Variants in SAMD5 observed in about 807,000 individuals in gnomAD.
SAMD5 encodes sterile alpha motif domain containing 5.
SAMD5 carries 13 observed loss-of-function variants against 11.3 expected under a neutral mutation model. The observed-to-expected ratio is 1.15, with a 90% CI of 0.75 to 1.83. SAMD5 has a LOEUF of 1.83. Among genes scored for constraint, SAMD5 ranks in the 40% most tolerant of loss-of-function variants. The pLI is 0.00. For missense variants in SAMD5, 255 were observed against 239.1 expected, an observed-to-expected ratio of 1.07 and a Z score of -0.44; for synonymous variants, 129 against 111.3, an observed-to-expected ratio of 1.16 and a Z score of -1.00.
rs368223383 is a variant in SAMD5, at chr6:147,659,306, G to GT, written c.163-78002dup. Among the ~76,000 whole-genome samples the GT allele has an allele frequency of 1.7e-4, 25 of 149,408 alleles. 1 individual carries two copies. Among genetic ancestry groups the GT allele is most frequent in the Middle Eastern group, 3.5e-3 (1 of 282 alleles). On this transcript the variant is annotated intron_variant, in intron 1 of 1. Coordinates refer to the SAMD5 transcript ENST00000566741. The stretch of plus-strand genomic sequence containing the variant: ...TTATTGAATGTGGCAGGGAAATTTT[G>GT]TTTTTTTTTCATGTCCCTGGTTCTG...
At chr6:147,752,990 A>G in the SAMD5 span, among the ~76,000 whole-genome samples, 1 of 152,236 alleles carries the variant, frequency 6.6e-6, no homozygotes, top group African/African-American at 2.4e-5. Flanking sequence ...TTTTTGCCTT[A>G]TTGCCCTAGA....
chr6:147,665,896 AT>A (rs1321775873), intron 1 of SAMD5, among the ~76,000 whole-genome samples: 1 of 151,934 alleles, frequency 6.6e-6, no homozygotes, highest in Non-Finnish European at 1.5e-5. Flanking sequence ...TGAAAAAGTT[AT>A]TTTTTTCCCC....
chr6:147,649,430 T>C (rs191518631), intron 1 of SAMD5, among the ~76,000 whole-genome samples: 8 of 152,308 alleles, frequency 5.3e-5, no homozygotes, highest in Admixed American at 1.3e-4. Context: ...TGTGACTTTT[T>C]CAAAATAGCT....
chr6:147,595,043 G>A (rs1034976178), intron 1 of SAMD5, among the ~76,000 whole-genome samples: 3 of 152,240 alleles, frequency 2.0e-5, no homozygotes, highest in South Asian at 4.1e-4. Context: ...AAAACTTGCT[G>A]AAGCTATTAA....
chr6:147,809,275 GAT>G, the SAMD5 span, among the ~76,000 whole-genome samples: 4 of 152,064 alleles, frequency 2.6e-5, no homozygotes, highest in South Asian at 8.3e-4. Flanking sequence ...TGGAAATTGA[GAT>G]ATTATCCAGA....
At chr6:147,516,832 T>A (rs532208241) in intron 1 of SAMD5, among the ~76,000 whole-genome samples, 3 of 152,314 alleles carry the variant, frequency 2.0e-5, no homozygotes, top group Admixed American at 6.5e-5. Flanking sequence ...TTTTTCTGGC[T>A]CCAGTCAAAA....
intron 1 of SAMD5, among the ~76,000 whole-genome samples, chr6:147,715,654 G>A (rs559493338): frequency 6.6e-6 from 1 of 152,332 alleles, no homozygotes; most frequent in Non-Finnish European, 1.5e-5. Context: ...CATTTGGCAG[G>A]TCCCAAGTTC....
chr6:147,917,585 T>G, the SAMD5 span, among the ~76,000 whole-genome samples: 1,989 of 152,034 alleles, frequency 0.013, 43 homozygotes, highest in African/African-American at 0.045. Context: ...GTCAATTTTG[T>G]CTTTTGTTGC....
chr6:147,920,303 A>T, the SAMD5 span, among the ~76,000 whole-genome samples: 1 of 152,098 alleles, frequency 6.6e-6, no homozygotes, highest in African/African-American at 2.4e-5. Flanking sequence ...CCCGTGCTGG[A>T]TGCTTCCTGT....
the SAMD5 span, among the ~76,000 whole-genome samples, chr6:147,853,594 T>C: frequency 6.6e-6 from 1 of 151,402 alleles, no homozygotes; most frequent in African/African-American, 2.4e-5. Context: ...ACTTTCTTTT[T>C]CTTTAGGTAA....
intron 1 of SAMD5, among the ~76,000 whole-genome samples, chr6:147,528,666 G>A (rs1469595580): frequency 2.0e-5 from 3 of 152,156 alleles, no homozygotes; most frequent in Admixed American, 2.0e-4. Flanking sequence ...GTTGTCAGTG[G>A]TTAAGTTAAT....
the SAMD5 span, among the ~76,000 whole-genome samples, chr6:147,929,216 C>G: frequency 4.0e-4 from 61 of 152,192 alleles, 3 homozygotes; most frequent in South Asian, 0.012. Context: ...TATTCCCAAA[C>G]CTAAACTGGT....
At chr6:147,795,910 GTTGT>G in the SAMD5 span, among the ~76,000 whole-genome samples, 2 of 152,014 alleles carry the variant, frequency 1.3e-5, no homozygotes, top group Non-Finnish European at 2.9e-5. Flanking sequence ...CTTTGATGGG[GTTGT>G]TTGTTTTTTT....
At chr6:147,652,748 C>T (rs1050176686) in intron 1 of SAMD5, among the ~76,000 whole-genome samples, 2 of 152,226 alleles carry the variant, frequency 1.3e-5, no homozygotes, top group African/African-American at 4.8e-5. Context: ...CATTTTATCA[C>T]AATTTCTGAT....
the SAMD5 span, among the ~76,000 whole-genome samples, chr6:147,783,726 C>G: frequency 6.6e-6 from 1 of 152,104 alleles, no homozygotes; most frequent in African/African-American, 2.4e-5. Flanking sequence ...AATATTTCTC[C>G]TCTTCACTTT....
At chr6:147,713,432 G>T (rs1366529033) in intron 1 of SAMD5, among the ~76,000 whole-genome samples, 9 of 152,066 alleles carry the variant, frequency 5.9e-5, no homozygotes, top group Non-Finnish European at 1.2e-4. Flanking sequence ...ACATAACCTG[G>T]GTTGTTCTGG....
chr6:147,596,827 GT>G (rs1302838068), intron 1 of SAMD5, among the ~76,000 whole-genome samples: 1 of 152,136 alleles, frequency 6.6e-6, no homozygotes, highest in Non-Finnish European at 1.5e-5. Flanking sequence ...TCTATGTCTG[GT>G]TTGATTCTAT....
intron 1 of SAMD5, among the ~76,000 whole-genome samples, chr6:147,661,828 A>G (rs899849973): frequency 1.3e-5 from 2 of 151,938 alleles, no homozygotes; most frequent in Admixed American, 6.6e-5. Context: ...ACGGGGTTTC[A>G]CTATGTTGGC....
chr6:147,581,507 T>C (rs948774963), intron 1 of SAMD5, among the ~76,000 whole-genome samples: 2 of 151,868 alleles, frequency 1.3e-5, no homozygotes. Flanking sequence ...ATTGAAGTGA[T>C]GGATGGAGGA....
Sources: gnomAD v4.1 joint callset for allele counts (sites outside exome capture counted in the v4.1 genomes callset) on GRCh38, gnomAD v4.1.1 for gene constraint, MANE v1.5 for transcripts, NCBI Gene and HGNC (gene_info 2026-07-23, HGNC 2026-07-21) for gene names.